Variants in GBE1 observed in about 807,000 individuals in gnomAD.
The protein encoded by GBE1 is 1,4-alpha-glucan-branching enzyme.
Under a neutral mutation model 88.8 loss-of-function variants are expected in GBE1, and 70 were observed. The ratio of observed to expected loss-of-function variants is 0.79; its 90% CI spans 0.65 to 0.96. The LOEUF is 0.96. Among genes scored for constraint, GBE1 ranks in the 40% least tolerant of loss-of-function variants. The pLI is 0.00. For missense variants in GBE1, 872 were observed against 871.0 expected, an observed-to-expected ratio of 1.00 and a Z score of -0.01; for synonymous variants, 284 against 300.1, an observed-to-expected ratio of 0.95 and a Z score of 0.56.
chr3:81,507,708 T>A (rs766742758), intron 14 of GBE1, among the ~76,000 whole-genome samples: 22 of 151,798 alleles, frequency 1.4e-4, no homozygotes, highest in Non-Finnish European at 3.2e-4. Context: ...ATATATTTGT[T>A]GTTATTAGAT....
chr3:81,593,922 T>A lies in GBE1; in HGVS notation c.1094A>T (p.His365Leu). 1 of 1,551,470 alleles carries A rather than the reference T, an allele frequency of 6.4e-7. No homozygotes were observed. The highest frequency in any genetic ancestry group is 8.8e-7 in the Non-Finnish European group (1 of 1,139,444). ...AGGTTACCTACCCACTCCATGGTGA[T>A]GATAAAGCATGGACGTAACACCATC... ...RFDGVTSMLY[H>L]HHGVGQGFSG... Residue 365 changes from histidine (H) to leucine (L), a missense_variant, in exon 8 of 16, where the codon CAT (histidine) becomes CTT (leucine). Transcript: ENST00000429644.
intron 12 of GBE1, among the ~76,000 whole-genome samples, chr3:81,545,401 A>G (rs2106884363): frequency 6.6e-6 from 1 of 152,218 alleles, no homozygotes; most frequent in African/African-American, 2.4e-5. Context: ...TTCCTCTATA[A>G]TTATTAAATG....
At chr3:81,543,655 T>C (rs986375294) in intron 12 of GBE1, among the ~76,000 whole-genome samples, 2 of 152,122 alleles carry the variant, frequency 1.3e-5, no homozygotes, top group Non-Finnish European at 2.9e-5. Flanking sequence ...TTAGGATATA[T>C]GGCAGTAATT....
chr3:81,666,121 G>A lies in GBE1; in HGVS notation c.429+4717C>T, dbSNP rs187514476. Among the ~76,000 whole-genome samples, 507 of 152,200 alleles carry A rather than the reference G, an allele frequency of 3.3e-3. 2 individuals are homozygous for A. Among genetic ancestry groups the A allele is most frequent in the Middle Eastern group, 0.02 (6 of 294 alleles). On this transcript the variant is annotated intron_variant, in intron 3 of 15. Coordinates refer to ENST00000429644, the MANE Select transcript of GBE1 (RefSeq NM_000158.4). ...TTTTGAGATTTGCATGATATATTAG[G>A]AGGGGTGCAGCAAACTGAAGACTAA...
intron 7 of GBE1, among the ~76,000 whole-genome samples, chr3:81,616,747 G>C (rs1225856560): frequency 6.6e-6 from 1 of 152,078 alleles, no homozygotes; most frequent in African/African-American, 2.4e-5. Flanking sequence ...CCAAGAATTT[G>C]ATAGGAATTG....
chr3:81,704,030 A>G (rs1236591707), intron 2 of GBE1, among the ~76,000 whole-genome samples: 3 of 152,032 alleles, frequency 2.0e-5, no homozygotes, highest in Non-Finnish European at 4.4e-5. Flanking sequence ...ATTTGCAATG[A>G]AAACTTACCA....
chr3:81,505,333 T>C (rs1415326514), intron 14 of GBE1, among the ~76,000 whole-genome samples: 2 of 152,190 alleles, frequency 1.3e-5, no homozygotes, highest in Non-Finnish European at 2.9e-5. Context: ...TTAATGGAAA[T>C]GTAAACAAAT....
intron 14 of GBE1, among the ~76,000 whole-genome samples, chr3:81,522,740 A>T (rs1052660814): frequency 1.3e-5 from 2 of 151,578 alleles, no homozygotes; most frequent in Non-Finnish European, 3.0e-5. Context: ...TGGTAAGAAT[A>T]ATTAAAGTCC....
intron 14 of GBE1, among the ~76,000 whole-genome samples, chr3:81,531,610 T>C (rs1216642837): frequency 6.6e-6 from 1 of 151,734 alleles, no homozygotes; most frequent in African/African-American, 2.4e-5. Context: ...AGGGTGGGTC[T>C]AGAAATGTCT....
At chr3:81,699,447 CAGGGTTCTCTTAG>C (rs1442467954) in intron 2 of GBE1, among the ~76,000 whole-genome samples, 3 of 152,058 alleles carry the variant, frequency 2.0e-5, no homozygotes, top group African/African-American at 7.2e-5. Flanking sequence ...TTATATTAGT[CAGGGTTCTCTTAG>C]AGGGACAGAA....
chr3:81,569,199 C>T (rs1454270347), intron 12 of GBE1, among the ~76,000 whole-genome samples: 1 of 151,846 alleles, frequency 6.6e-6, no homozygotes, highest in Non-Finnish European at 1.5e-5. Context: ...TTAGTTATTA[C>T]TGACATTAGC....
chr3:81,542,120 A>T (rs1458601864), intron 12 of GBE1, among the ~76,000 whole-genome samples: 1 of 152,024 alleles, frequency 6.6e-6, no homozygotes, highest in Non-Finnish European at 1.5e-5. Context: ...CTATCTACCA[A>T]CTACCTACAA....
chr3:81,608,484 T>G (rs1704131672), intron 7 of GBE1, among the ~76,000 whole-genome samples: 1 of 152,184 alleles, frequency 6.6e-6, no homozygotes, highest in African/African-American at 2.4e-5. Context: ...AATTACATTT[T>G]CAAAACCTCT....
chr3:81,724,299 G>T (rs1706078357), intron 1 of GBE1, among the ~76,000 whole-genome samples: 1 of 152,062 alleles, frequency 6.6e-6, no homozygotes, highest in Admixed American at 6.6e-5. Flanking sequence ...CACATTAAAG[G>T]TCGTATTTAC....
chr3:81,617,989 A>G (rs1362916844), intron 7 of GBE1, among the ~76,000 whole-genome samples: 1 of 152,036 alleles, frequency 6.6e-6, no homozygotes, highest in Non-Finnish European at 1.5e-5. Context: ...TACCAAATGT[A>G]TGTATGTAGA....
chr3:81,509,321 A>C (rs1291843596), intron 14 of GBE1, among the ~76,000 whole-genome samples: 4 of 149,602 alleles, frequency 2.7e-5, no homozygotes, highest in Non-Finnish European at 5.9e-5. Flanking sequence ...TATAAAAAAG[A>C]AGGTACTTCT....
intron 2 of GBE1, among the ~76,000 whole-genome samples, chr3:81,691,959 G>A (rs867121395): frequency 1.3e-5 from 2 of 152,184 alleles, no homozygotes; most frequent in Middle Eastern, 6.8e-3. Context: ...GGAGCCAAGG[G>A]CGTGATCATA....
At chr3:81,626,595 G>A (rs1704419754) in intron 7 of GBE1, among the ~76,000 whole-genome samples, 1 of 151,982 alleles carries the variant, frequency 6.6e-6, no homozygotes. Flanking sequence ...AACTACTCCA[G>A]GCAAAGATAA....
intron 12 of GBE1, among the ~76,000 whole-genome samples, chr3:81,574,681 G>A (rs1368565767): frequency 6.6e-6 from 1 of 152,176 alleles, no homozygotes; most frequent in African/African-American, 2.4e-5. Flanking sequence ...TTCTGGTTGT[G>A]CAAACTGAGG....
Sources: allele counts gnomAD v4.1 joint callset (sites outside exome capture counted in the v4.1 genomes callset), GRCh38; gene constraint gnomAD v4.1.1; transcripts MANE v1.5; gene names NCBI Gene and HGNC (gene_info 2026-07-23, HGNC 2026-07-21).